The following CASR variants were observed in gnomAD, a reference collection of about 807,000 sequenced individuals.
The protein encoded by CASR is extracellular calcium-sensing receptor.
A neutral mutation model predicts 69.1 loss-of-function variants in CASR; 23 were observed. The ratio of observed to expected loss-of-function variants is 0.33; its 90% CI spans 0.24 to 0.47. The LOEUF (loss-of-function observed/expected upper bound fraction) is 0.47. Ranked by LOEUF, CASR falls within the 20% of genes least tolerant of loss-of-function variation. CASR has a pLI of 1.00. For synonymous variants in CASR, 541 were observed against 544.7 expected, an observed-to-expected ratio of 0.99 and a Z score of 0.10; for missense variants, 924 against 1,356.1, an observed-to-expected ratio of 0.68 and a Z score of 5.00.
chr3:122,195,561 GAAT>G (rs2073881752), intron 1 of CASR, among the ~76,000 whole-genome samples: 1 of 152,136 alleles, frequency 6.6e-6, no homozygotes, highest in South Asian at 2.1e-4. Context: ...TTATCCCGAG[GAAT>G]ATCATTTACT....
In CASR at chr3:122,280,197, G is replaced by A. The variant is rs1216717095; in HGVS notation, c.1609-1916G>A. Among the ~76,000 whole-genome samples, 3 of 152,172 alleles carry A rather than the reference G, an allele frequency of 2.0e-5. No individual in the cohort carries two copies. In the East Asian group the frequency reaches 5.8e-4, roughly 29 times the overall value. ...AAAAACTCTAAATAAACTAGGTGTT[G>A]AAGGAACATACCTCGAAATAATAAA... On this transcript the variant is annotated intron_variant, in intron 5 of 6. Transcript: ENST00000639785.
intron 1 of CASR, among the ~76,000 whole-genome samples, chr3:122,197,557 C>T (rs2073902027): frequency 6.6e-6 from 1 of 152,266 alleles, no homozygotes; most frequent in South Asian, 2.1e-4. Flanking sequence ...AACATTCTGT[C>T]TCCTCAGTTT....
intron 1 of CASR, among the ~76,000 whole-genome samples, chr3:122,190,525 T>G (rs928050087): frequency 6.6e-6 from 1 of 152,182 alleles, no homozygotes; most frequent in African/African-American, 2.4e-5. Flanking sequence ...CCCATTTTCC[T>G]TATCTGTAAA....
At chr3:122,184,715 C>G (rs2073760410) in intron 1 of CASR, among the ~76,000 whole-genome samples, 1 of 152,206 alleles carries the variant, frequency 6.6e-6, no homozygotes, top group African/African-American at 2.4e-5. Context: ...CAAGGCTTTC[C>G]CCGGCTCAGA....
rs541763915 is a variant in CASR, at chr3:122,270,758, C to G, written c.1378-5054C>G. 7.2e-5 allele frequency among the ~76,000 whole-genome samples: 11 copies of G among 152,146 alleles called. 1 individual carries two copies. Among genetic ancestry groups the G allele is most frequent in the African/African-American group, 2.2e-4 (9 of 41,540 alleles). ...TTTCCTTTTGATTTCTTCTTTGGCT[C>G]TCAGGTTTAGAAGTGTGTTATTTGG... On this transcript the variant is annotated intron_variant, in intron 4 of 6. Transcript: ENST00000639785.
At chr3:122,207,573 A>G (rs1401563184) in intron 1 of CASR, among the ~76,000 whole-genome samples, 3 of 152,148 alleles carry the variant, frequency 2.0e-5, no homozygotes, top group East Asian at 1.9e-4. Context: ...CTGAACACCA[A>G]TGAGTCAATG....
intron 4 of CASR, among the ~76,000 whole-genome samples, chr3:122,270,927 T>C (rs572099601): frequency 3.3e-5 from 5 of 152,344 alleles, no homozygotes; most frequent in African/African-American, 1.2e-4. Flanking sequence ...TGGTTTATCT[T>C]TATAAATATT....
At chr3:122,199,475 T>G (rs2073921383) in intron 1 of CASR, among the ~76,000 whole-genome samples, 1 of 152,276 alleles carries the variant, frequency 6.6e-6, no homozygotes, top group African/African-American at 2.4e-5. Context: ...AAGTAGTATT[T>G]ATTGATTAAG....
chr3:122,225,012 A>G (rs61203229), intron 1 of CASR, among the ~76,000 whole-genome samples: 109,024 of 152,022 alleles, frequency 0.72, 39,383 homozygotes, highest in Admixed American at 0.82. Flanking sequence ...ACTGGCTCGC[A>G]TAGGCAGAAG....
At position 122,286,467 on chromosome 3, in the gene CASR, A is replaced by G. The variant is rs868224704; in HGVS notation, c.*1276A>G. 1.3e-5 allele frequency: 2 copies of G among 152,268 alleles called. No homozygotes were observed. Among genetic ancestry groups the G allele is most frequent in the African/African-American group, 4.8e-5 (2 of 41,466 alleles). 9.4% of individuals were successfully genotyped at this position (152,268 alleles called of 1,614,324 possible). ...TTAGCCTGGTACCTAGCACACAATAAGCATTCAATAAATATTAGTTAATAT... is the reference window on the plus strand; with the variant it reads ...TTAGCCTGGTACCTAGCACACAATAGGCATTCAATAAATATTAGTTAATAT... On this transcript the variant is annotated 3_prime_UTR_variant, in exon 7 of 7. Coordinates refer to ENST00000639785, the MANE Select transcript of CASR (RefSeq NM_000388.4).
intron 1 of CASR, among the ~76,000 whole-genome samples, chr3:122,216,955 A>T (rs1343271952): frequency 1.3e-5 from 2 of 152,234 alleles, no homozygotes. Context: ...TATGCCAGGC[A>T]TTGTGCTGTG....
chr3:122,265,637 T>G (rs898849667), intron 4 of CASR, among the ~76,000 whole-genome samples: 3 of 152,182 alleles, frequency 2.0e-5, no homozygotes, highest in Non-Finnish European at 4.4e-5. Flanking sequence ...AACAACCCAT[T>G]CTTGAATCAA....
At chr3:122,228,948 G>C (rs549884996) in intron 1 of CASR, among the ~76,000 whole-genome samples, 4 of 152,162 alleles carry the variant, frequency 2.6e-5, no homozygotes, top group East Asian at 3.9e-4. Flanking sequence ...GCATCCCTCA[G>C]ATATTCACTG....
At chr3:122,277,237 G>A (rs974183820) in intron 5 of CASR, among the ~76,000 whole-genome samples, 2 of 151,832 alleles carry the variant, frequency 1.3e-5, no homozygotes, top group Non-Finnish European at 2.9e-5. Flanking sequence ...AGTAGAGACG[G>A]GGTTTCACCA....
intron 2 of CASR, among the ~76,000 whole-genome samples, chr3:122,256,571 T>C (rs2074556754): frequency 6.6e-6 from 1 of 152,206 alleles, no homozygotes; most frequent in Admixed American, 6.5e-5. Flanking sequence ...CATGTCATGA[T>C]CTTCACAGTC....
intron 1 of CASR, among the ~76,000 whole-genome samples, chr3:122,196,855 A>G (rs1268059395): frequency 6.6e-6 from 1 of 152,156 alleles, no homozygotes; most frequent in African/African-American, 2.4e-5. Context: ...TATGTTTAAG[A>G]TGTATAATGT....
intron 1 of CASR, among the ~76,000 whole-genome samples, chr3:122,215,449 G>A (rs891086745): frequency 1.3e-5 from 2 of 152,062 alleles, no homozygotes; most frequent in African/African-American, 2.4e-5. Context: ...TGCTTCCAAC[G>A]TTTTTCTTTA....
At position 122,275,967 on chromosome 3, in the gene CASR, C is replaced by T; in HGVS notation, c.1533C>T (p.Tyr511=). The change falls in exon 5 of 7, where the codon TAC becomes TAT. Residue 511 remains tyrosine (Y), a synonymous_variant. Transcript: ENST00000639785. ...TCGTGTTTAAGGAAGTCGGGTATTA[C>T]AACGTCTATGCCAAGAAGGGAGAAA... ...GSIVFKEVGY[Y]NVYAKKGERL... is the part of the protein sequence containing the mutation. 2 of 1,614,060 alleles carry T rather than the reference C, an allele frequency of 1.2e-6. No homozygotes were observed. Among genetic ancestry groups the T allele is most frequent in the South Asian group, 2.2e-5 (2 of 91,072 alleles).
At chr3:122,237,213 G>A (rs570691088) in intron 1 of CASR, among the ~76,000 whole-genome samples, 35 of 151,062 alleles carry the variant, frequency 2.3e-4, no homozygotes, top group African/African-American at 7.8e-4. Flanking sequence ...GGGTTCAAGC[G>A]ATTCTTCTGC....
Sources: gnomAD v4.1 joint callset for allele counts (sites outside exome capture counted in the v4.1 genomes callset) on GRCh38, gnomAD v4.1.1 for gene constraint, MANE v1.5 for transcripts, NCBI Gene and HGNC (gene_info 2026-07-23, HGNC 2026-07-21) for gene names.